Variants in PAQR8 observed in about 807,000 individuals in gnomAD.
PAQR8 encodes progestin and adipoQ receptor family member 8, also known as membrane progestin receptor beta.
A neutral mutation model predicts 25.2 loss-of-function variants in PAQR8; 17 were observed. The ratio of observed to expected loss-of-function variants is 0.67; its 90% CI spans 0.46 to 1.01. The LOEUF is 1.01. Ranked by LOEUF, PAQR8 falls within the 50% of genes least tolerant of loss-of-function variation. PAQR8 has a pLI of 0.00. For synonymous variants in PAQR8, 204 were observed against 190.6 expected (o/e 1.07, Z -0.58); for missense variants, 392 against 448.4 (o/e 0.87, Z 1.14).
rs28409341 is a variant in PAQR8, at chr6:52,367,050, T to C, written c.-53+4801T>C. On this transcript the variant is annotated intron_variant, in intron 1 of 1. Transcript: ENST00000442253. The stretch of plus-strand genomic sequence containing the variant: ...TAAACCACTGTGCCCAGCCTGGAGC[T>C]GTGATTCTTAATGGGGAGAAGTGGG... Among the ~76,000 whole-genome samples, 756 of 152,276 alleles carry C rather than the reference T, an allele frequency of 5.0e-3. 2 individuals are homozygous for C. Among genetic ancestry groups the C allele is most frequent in the African/African-American group, 0.017 (714 of 41,560 alleles).
intron 1 of PAQR8, among the ~76,000 whole-genome samples, chr6:52,366,735 G>T (rs1216119427): frequency 6.6e-6 from 1 of 152,012 alleles, no homozygotes; most frequent in Non-Finnish European, 1.5e-5. Flanking sequence ...TATACATTGT[G>T]GCTTAGACTG....
intron 1 of PAQR8, among the ~76,000 whole-genome samples, chr6:52,379,690 G>A (rs1448804311): frequency 2.1e-5 from 3 of 144,950 alleles, no homozygotes; most frequent in East Asian, 2.2e-4. Flanking sequence ...GCAGTGCTGC[G>A]ATCTCGGCTC....
At position 52,406,328 on chromosome 6, in the gene PAQR8, CAAG is replaced by C. The variant is rs1300792664; in HGVS notation, c.*2051_*2053del. 5 of 410,684 alleles carry C rather than the reference CAAG, an allele frequency of 1.2e-5. No individual in the cohort carries two copies. The highest frequency in any genetic ancestry group is 1.0e-4 in the African/African-American group (5 of 48,568). 25.4% of individuals were successfully genotyped at this position (410,684 alleles called of 1,614,324 possible). A position where few individuals can be genotyped will look rare whatever the true frequency, so the allele number is the denominator to read the frequency against. ...GAGCAGAAGGGAAGAAGGTGTAAGT[CAAG>C]CTCTTGAATATAACTGGTGGTATTG... On this transcript the variant is annotated 3_prime_UTR_variant, in exon 2 of 2. Coordinates refer to ENST00000442253, the MANE Select transcript of PAQR8 (RefSeq NM_133367.5).
Position 52,403,058 on chromosome 6 carries a change from G to A in PAQR8, c.-52-104G>A, listed in dbSNP as rs114880535. ...TGCACTCTAGCCTGGGCGACAGAGTGATACCCCGTCTCAAAAGAAAAGAAA... is the reference window on the plus strand; with the variant it reads ...TGCACTCTAGCCTGGGCGACAGAGTAATACCCCGTCTCAAAAGAAAAGAAA... On this transcript the variant is annotated intron_variant, in intron 1 of 1. Transcript: ENST00000442253. The A allele has an allele frequency of 8.4e-3, 5,547 of 661,644 alleles. 28 individuals carry two copies. The highest frequency in any genetic ancestry group is 0.014 in the Middle Eastern group (34 of 2,390). 41.0% of individuals were successfully genotyped at this position (661,644 alleles called of 1,614,324 possible). A position where few individuals can be genotyped will look rare whatever the true frequency, so the allele number is the denominator to read the frequency against.
At position 52,362,946 on chromosome 6, in the gene PAQR8, G is replaced by T. The variant is rs114157788; in HGVS notation, c.-53+697G>T. Among the ~76,000 whole-genome samples the T allele has an allele frequency of 3.3e-3, 509 of 152,298 alleles. 4 individuals carry two copies. The highest frequency in any genetic ancestry group is 0.012 in the African/African-American group (496 of 41,564). ...GCCGGCAGCTGGCTAATGGGCGGAT[G>T]CTGGGGCTTGGCTGGATGGGAACGC... On this transcript the variant is annotated intron_variant, in intron 1 of 1. Coordinates refer to ENST00000442253, the MANE Select transcript of PAQR8 (RefSeq NM_133367.5). This position sits in a 1 kb window ranked among gnomAD's most constrained non-coding sequence, Gnocchi z 4.1.
chr6:52,372,265 T>C (rs1763428289), intron 1 of PAQR8, among the ~76,000 whole-genome samples: 1 of 152,218 alleles, frequency 6.6e-6, no homozygotes, highest in Admixed American at 6.5e-5. Flanking sequence ...GACTCGGAAC[T>C]CTGATTCTGT....
chr6:52,366,897 G>A (rs1421303782), intron 1 of PAQR8, among the ~76,000 whole-genome samples: 5 of 152,108 alleles, frequency 3.3e-5, no homozygotes, highest in Admixed American at 2.0e-4. Flanking sequence ...TTGCAGGCGC[G>A]CACCACCACA....
In PAQR8 at chr6:52,404,666, C is replaced by A. The variant is rs1333248393; in HGVS notation, c.*388C>A. The A allele has an allele frequency of 1.0e-5, 2 of 195,394 alleles. No individual in the cohort carries two copies. The highest frequency in any genetic ancestry group is 2.7e-4 in the East Asian group (2 of 7,276). 12.1% of individuals were successfully genotyped at this position (195,394 alleles called of 1,614,324 possible). A position where few individuals can be genotyped will look rare whatever the true frequency, so the allele number is the denominator to read the frequency against. On this transcript the variant is annotated 3_prime_UTR_variant, in exon 2 of 2. Transcript: ENST00000442253. ...AAGTAAGTAGGTGGCTGGTCCTCAC[C>A]CTGTTGGAATGGCTATCCTACTATG...
chr6:52,380,778 G>T (rs1478204787), intron 1 of PAQR8, among the ~76,000 whole-genome samples: 1 of 152,138 alleles, frequency 6.6e-6, no homozygotes, highest in Non-Finnish European at 1.5e-5. Context: ...GGATCATATG[G>T]CATGGAATGG....
intron 1 of PAQR8, among the ~76,000 whole-genome samples, chr6:52,402,788 G>A (rs536621271): frequency 6.6e-6 from 1 of 152,034 alleles, no homozygotes; most frequent in South Asian, 2.1e-4. Context: ...AAATAACCAC[G>A]GATCCTAGCC....
At chr6:52,378,859 G>A (rs1763516998) in intron 1 of PAQR8, among the ~76,000 whole-genome samples, 2 of 151,838 alleles carry the variant, frequency 1.3e-5, no homozygotes, top group African/African-American at 4.8e-5. Context: ...CACTTTGGGA[G>A]GCTGAGGTGG....
rs1166854066 is a variant in PAQR8, at chr6:52,403,250, T to C, written c.37T>C (p.Ser13Pro). ...CATCTTGGAGCGCCTGAGCACCCTG[T>C]CGGTCAGCGGGCAGCAGCTGCGCCG... ...TAILERLSTLSVSGQQLRRLP... is the reference protein window; with the variant it reads ...TAILERLSTLPVSGQQLRRLP... Residue 13 changes from serine (S) to proline (P), a missense_variant, in exon 2 of 2, where the codon TCG (serine) becomes CCG (proline). By Grantham distance (74) the Ser-to-Pro change is moderately conservative. Transcript: ENST00000442253. 13 of 1,609,464 alleles carry C rather than the reference T, an allele frequency of 8.1e-6. No individual in the cohort carries two copies. The highest frequency in any genetic ancestry group is 1.1e-5 in the Non-Finnish European group (13 of 1,176,838).
In PAQR8 at chr6:52,406,332, C is replaced by T. The variant is rs1288103919; in HGVS notation, c.*2054C>T. On this transcript the variant is annotated 3_prime_UTR_variant, in exon 2 of 2. Transcript: ENST00000442253. ...AGAAGGGAAGAAGGTGTAAGTCAAG[C>T]TCTTGAATATAACTGGTGGTATTGT... 2 of 410,904 alleles carry T rather than the reference C, an allele frequency of 4.9e-6. No homozygotes were observed. Among genetic ancestry groups the T allele is most frequent in the Non-Finnish European group, 8.9e-6 (2 of 224,994 alleles). 25.5% of individuals were successfully genotyped at this position (410,904 alleles called of 1,614,324 possible).
intron 1 of PAQR8, among the ~76,000 whole-genome samples, chr6:52,389,540 G>A (rs1198412459): frequency 1.3e-5 from 2 of 152,200 alleles, no homozygotes; most frequent in Non-Finnish European, 2.9e-5. Context: ...GAATCAAGAT[G>A]GCCTGGAGAA....
chr6:52,371,970 C>T (rs1458080376), intron 1 of PAQR8, among the ~76,000 whole-genome samples: 1 of 152,194 alleles, frequency 6.6e-6, no homozygotes, highest in African/African-American at 2.4e-5. Flanking sequence ...TCTAGCTTGG[C>T]ATTACTCCAG....
At chr6:52,397,892 A>G (rs560987190) in intron 1 of PAQR8, among the ~76,000 whole-genome samples, 1 of 152,104 alleles carries the variant, frequency 6.6e-6, no homozygotes, top group Admixed American at 6.6e-5. Flanking sequence ...TGATGACAAT[A>G]TGTGGTTTCC....
At chr6:52,391,477 G>A (rs1388451924) in intron 1 of PAQR8, among the ~76,000 whole-genome samples, 5 of 152,178 alleles carry the variant, frequency 3.3e-5, no homozygotes, top group Non-Finnish European at 5.9e-5. Context: ...AATCTGAATC[G>A]ATGTTCAAAT....
At chr6:52,372,638 T>G (rs954225282) in intron 1 of PAQR8, among the ~76,000 whole-genome samples, 1 of 151,896 alleles carries the variant, frequency 6.6e-6, no homozygotes, top group Non-Finnish European at 1.5e-5. Context: ...TTTCTGTTAT[T>G]GAAATTTCAA....
At chr6:52,366,437 T>C (rs1232920272) in intron 1 of PAQR8, among the ~76,000 whole-genome samples, 2 of 152,208 alleles carry the variant, frequency 1.3e-5, no homozygotes, top group Admixed American at 6.5e-5. Context: ...AGAATTCATA[T>C]GGATTTTACT....
Sources: allele counts gnomAD v4.1 joint callset (sites outside exome capture counted in the v4.1 genomes callset), GRCh38; gene constraint gnomAD v4.1.1; non-coding constraint Gnocchi (gnomAD v3.1); transcripts MANE v1.5; gene names NCBI Gene and HGNC (gene_info 2026-07-23, HGNC 2026-07-21).